The following COL22A1 variants were observed in gnomAD, a reference collection of about 807,000 sequenced individuals.
The protein encoded by COL22A1 is collagen alpha-1(XXII) chain.
A neutral mutation model predicts 248.9 loss-of-function variants in COL22A1; 221 were observed. The observed-to-expected ratio is 0.89, with a 90% CI of 0.80 to 0.99. The LOEUF is 0.99. Among genes scored for constraint, COL22A1 ranks in the 50% least tolerant of loss-of-function variants. COL22A1 has a pLI of 0.00. For missense variants in COL22A1, 2,240 were observed against 2,179.0 expected (o/e 1.03, Z -0.56); for synonymous variants, 891 against 793.4 (o/e 1.12, Z -2.07).
At chr8:138,632,188 A>G (rs1311871610) in intron 49 of COL22A1, among the ~76,000 whole-genome samples, 1 of 152,192 alleles carries the variant, frequency 6.6e-6, no homozygotes, top group East Asian at 1.9e-4. Flanking sequence ...TAGGCACAGA[A>G]GAGAGGGTAT....
At chr8:138,752,966 G>A (rs1184440442) in intron 21 of COL22A1, among the ~76,000 whole-genome samples, 2 of 152,236 alleles carry the variant, frequency 1.3e-5, no homozygotes, top group Non-Finnish European at 2.9e-5. Context: ...CTGCCTCAGA[G>A]AGCAGCTCAT....
At chr8:138,912,110 C>T (rs775620247) in intron 1 of COL22A1, among the ~76,000 whole-genome samples, 7 of 152,148 alleles carry the variant, frequency 4.6e-5, no homozygotes, top group Non-Finnish European at 1.0e-4. Flanking sequence ...CTATCTCTAT[C>T]TCTTCCATCA....
intron 47 of COL22A1, among the ~76,000 whole-genome samples, chr8:138,643,659 T>TAGACAGACAGACAGACAGAC (rs1171905145): frequency 9.7e-6 from 1 of 102,570 alleles, no homozygotes; most frequent in African/African-American, 3.5e-5. Flanking sequence ...GACAGATAGA[T>TAGACAGACAGACAGACAGAC]AGATAGACAG....
chr8:138,618,634 A>G (rs1480145507), intron 53 of COL22A1, among the ~76,000 whole-genome samples: 1 of 152,234 alleles, frequency 6.6e-6, no homozygotes, highest in Non-Finnish European at 1.5e-5. Context: ...CTTCTTATTG[A>G]ATACGAGCCA....
intron 17 of COL22A1, among the ~76,000 whole-genome samples, chr8:138,760,815 C>G (rs1010512708): frequency 6.6e-6 from 1 of 152,092 alleles, no homozygotes; most frequent in African/African-American, 2.4e-5. Flanking sequence ...CTTCAATGTC[C>G]CTGCTGGGAA....
chr8:138,734,863 G>A (rs180873756), intron 23 of COL22A1, among the ~76,000 whole-genome samples: 2 of 152,222 alleles, frequency 1.3e-5, no homozygotes, highest in African/African-American at 4.8e-5. Flanking sequence ...CATGTCCTTT[G>A]TAGGGACATG....
At chr8:138,664,213 A>G (rs71512392) in intron 41 of COL22A1, among the ~76,000 whole-genome samples, 30,311 of 69,416 alleles carry the variant, frequency 0.44, 4,474 homozygotes, top group Non-Finnish European at 0.55. Flanking sequence ...GCGCGCGCAC[A>G]CACACACACA....
At chr8:138,913,132 T>C (rs1417038216) in intron 1 of COL22A1, among the ~76,000 whole-genome samples, 1 of 152,024 alleles carries the variant, frequency 6.6e-6, no homozygotes, top group African/African-American at 2.4e-5. Context: ...AAAGCTAAGT[T>C]CCCTGACAGT....
rs149741596 is a variant in COL22A1, at chr8:138,778,402, G to A, written c.1709C>T (p.Pro570Leu). ...GLPGEVGMRG[P>L]QGPPGLPGPP... ...TCCGGGGAGTCCAGGTGGTCCTTGG[G>A]GCCCCTGCAGAAGAGCATTTACAGA... The change falls in exon 15 of 65, where the codon CCC becomes CTC. Residue 570 changes from proline (P) to leucine (L), a missense_variant. Transcript: ENST00000303045. 2 of 1,600,208 alleles carry A rather than the reference G, an allele frequency of 1.2e-6. No homozygotes were observed. The highest frequency in any genetic ancestry group is 4.5e-5 in the East Asian group (2 of 44,806).
At chr8:138,823,590 G>C (rs1586830524) in intron 6 of COL22A1, among the ~76,000 whole-genome samples, 1 of 152,288 alleles carries the variant, frequency 6.6e-6, no homozygotes, top group East Asian at 1.9e-4. Flanking sequence ...ATTTTTAGTA[G>C]AGATGGGGTT....
intron 11 of COL22A1, among the ~76,000 whole-genome samples, chr8:138,800,061 T>C (rs553992664): frequency 5.9e-5 from 9 of 152,310 alleles, no homozygotes; most frequent in African/African-American, 1.7e-4. Flanking sequence ...TTCCTAAGGA[T>C]TGTACCCTGG....
intron 22 of COL22A1, among the ~76,000 whole-genome samples, chr8:138,749,997 G>C (rs948731491): frequency 3.3e-5 from 5 of 152,098 alleles, no homozygotes; most frequent in African/African-American, 1.2e-4. Flanking sequence ...TGAATTATGG[G>C]GGAAGGTCTT....
At chr8:138,811,669 A>G (rs920548834) in intron 9 of COL22A1, 130 bp downstream of exon 9, 4 of 1,025,736 alleles carry the variant, frequency 3.9e-6, no homozygotes, top group Non-Finnish European at 6.1e-6. Flanking sequence ...GGCACAACAC[A>G]GGGTGCTGTC....
intron 30 of COL22A1, among the ~76,000 whole-genome samples, chr8:138,703,951 T>C (rs1273310191): frequency 6.6e-6 from 1 of 152,198 alleles, no homozygotes; most frequent in African/African-American, 2.4e-5. Flanking sequence ...CCAACAGTCT[T>C]AGCAAACGGC....
intron 7 of COL22A1, among the ~76,000 whole-genome samples, chr8:138,815,743 T>C (rs1818628589): frequency 6.6e-6 from 1 of 152,208 alleles, no homozygotes; most frequent in African/African-American, 2.4e-5. Context: ...AAAAGTGCCG[T>C]ACAATCGATG....
intron 45 of COL22A1, among the ~76,000 whole-genome samples, chr8:138,653,106 T>C (rs1315823778): frequency 6.6e-6 from 1 of 152,174 alleles, no homozygotes; most frequent in East Asian, 1.9e-4. Context: ...TACTGTACTT[T>C]GTGTGGTTTG....
chr8:138,704,086 C>T (rs1312153525), intron 30 of COL22A1, among the ~76,000 whole-genome samples: 10 of 152,164 alleles, frequency 6.6e-5, no homozygotes, highest in East Asian at 3.9e-4. Flanking sequence ...GAGGGGCGCC[C>T]GCCATTGCTG....
chr8:138,794,446 G>A (rs953500390), intron 12 of COL22A1, among the ~76,000 whole-genome samples: 11 of 150,408 alleles, frequency 7.3e-5, no homozygotes, highest in African/African-American at 2.7e-4. Context: ...TCTCACCACT[G>A]TGGAAAACAG....
chr8:138,856,333 G>A (rs2131930436), intron 3 of COL22A1, among the ~76,000 whole-genome samples: 1 of 152,326 alleles, frequency 6.6e-6, no homozygotes, highest in East Asian at 1.9e-4. Flanking sequence ...GTGCATTTGT[G>A]TGTGAATGCA....
Sources: allele counts gnomAD v4.1 joint callset (sites outside exome capture counted in the v4.1 genomes callset), GRCh38; gene constraint gnomAD v4.1.1; transcripts MANE v1.5; gene names NCBI Gene and HGNC (gene_info 2026-07-23, HGNC 2026-07-21).